Variants in CACNA2D1 observed in about 807,000 individuals in gnomAD.
CACNA2D1 encodes the protein voltage-dependent calcium channel subunit alpha-2/delta-1.
Under a neutral mutation model 171.5 loss-of-function variants are expected in CACNA2D1, and 53 were observed. That is an observed-to-expected ratio of 0.31 (90% CI 0.25 to 0.39). The LOEUF (loss-of-function observed/expected upper bound fraction) is 0.39, where lower values mean the gene tolerates loss of function less well. Among genes scored for constraint, CACNA2D1 ranks in the 10% least tolerant of loss-of-function variants. CACNA2D1 has a pLI of 1.00. For missense variants in CACNA2D1, 903 were observed against 1,299.8 expected (o/e 0.69, Z 4.69); for synonymous variants, 442 against 443.1 (o/e 1.00, Z 0.03).
At chr7:81,958,571 A>G (rs1221379682) in intron 38 of CACNA2D1, among the ~76,000 whole-genome samples, 1 of 151,874 alleles carries the variant, frequency 6.6e-6, no homozygotes, top group Non-Finnish European at 1.5e-5. Context: ...CCTACCTTGT[A>G]TATAATCAAT....
chr7:82,287,858 G>A (rs1234073178), intron 3 of CACNA2D1, among the ~76,000 whole-genome samples: 3 of 134,798 alleles, frequency 2.2e-5, no homozygotes, highest in Non-Finnish European at 1.6e-5. Flanking sequence ...GTTTTTTTTT[G>A]AGACAGAGTC....
At chr7:82,106,273 A>G (rs149732120) in intron 6 of CACNA2D1, among the ~76,000 whole-genome samples, 2,682 of 152,166 alleles carry the variant, frequency 0.018, 35 homozygotes, top group Middle Eastern at 0.051. Flanking sequence ...CTCATCTCAA[A>G]TTCCAGACCC....
intron 4 of CACNA2D1, among the ~76,000 whole-genome samples, chr7:82,163,701 T>C (rs1795168709): frequency 6.6e-6 from 1 of 151,976 alleles, no homozygotes; most frequent in South Asian, 2.1e-4. Context: ...TAGAGCACAT[T>C]GAATCCAGCT....
chr7:82,114,169 T>C (rs978026730), intron 6 of CACNA2D1, among the ~76,000 whole-genome samples: 13 of 152,332 alleles, frequency 8.5e-5, no homozygotes, highest in African/African-American at 2.6e-4. Context: ...CTAAGATATA[T>C]GTATGCCTAT....
chr7:82,080,150 CCTATATATGT>C, intron 7 of CACNA2D1, among the ~76,000 whole-genome samples: 1 of 149,454 alleles, frequency 6.7e-6, no homozygotes, highest in South Asian at 2.1e-4. Context: ...CACCTATATA[CCTATATATGT>C]ATATAGGTGT....
chr7:82,278,154 A>G (rs185736418), intron 3 of CACNA2D1, among the ~76,000 whole-genome samples: 2 of 152,310 alleles, frequency 1.3e-5, no homozygotes, highest in East Asian at 1.9e-4. Context: ...TATGATTCCC[A>G]TATAAAAATA....
intron 2 of CACNA2D1, among the ~76,000 whole-genome samples, chr7:82,341,737 A>C (rs1377834724): frequency 6.6e-6 from 1 of 152,104 alleles, no homozygotes; most frequent in African/African-American, 2.4e-5. Context: ...GATGCATGAC[A>C]CTGTATTAAT....
chr7:82,071,280 G>A (rs920357278), intron 7 of CACNA2D1, among the ~76,000 whole-genome samples: 2 of 152,226 alleles, frequency 1.3e-5, no homozygotes, highest in South Asian at 4.2e-4. Flanking sequence ...ACAGTGAGAT[G>A]AGCTAACCAA....
chr7:82,151,769 G>C (rs765170138), intron 4 of CACNA2D1, among the ~76,000 whole-genome samples: 1 of 151,960 alleles, frequency 6.6e-6, no homozygotes, highest in Non-Finnish European at 1.5e-5. Context: ...CTCATCTTTT[G>C]ATCATATTAA....
At chr7:81,985,967 T>C (rs1259055727) in intron 21 of CACNA2D1, among the ~76,000 whole-genome samples, 1 of 152,190 alleles carries the variant, frequency 6.6e-6, no homozygotes, top group African/African-American at 2.4e-5. Context: ...TATTTTGAAA[T>C]TGCCAATTAA....
At chr7:82,263,188 A>G (rs1807360471) in intron 3 of CACNA2D1, among the ~76,000 whole-genome samples, 1 of 144,636 alleles carries the variant, frequency 6.9e-6, no homozygotes, top group Non-Finnish European at 1.5e-5. Context: ...AGCTCACTGC[A>G]ACCTCTGCCT....
At chr7:82,255,833 C>T (rs1806233235) in intron 3 of CACNA2D1, among the ~76,000 whole-genome samples, 1 of 152,230 alleles carries the variant, frequency 6.6e-6, no homozygotes. Flanking sequence ...CAGCTTACTA[C>T]TTTCATGCCC....
chr7:82,050,959 A>G (rs757403984), intron 10 of CACNA2D1: 1 of 281,654 alleles, frequency 3.6e-6, no homozygotes, highest in Non-Finnish European at 6.9e-6. Context: ...CTACCAGTCC[A>G]TCTAAGAGAC....
intron 20 of CACNA2D1, 104 bp downstream of exon 20, chr7:81,994,764 T>C (rs1797873551): frequency 4.5e-6 from 3 of 669,468 alleles, no homozygotes; most frequent in African/African-American, 3.6e-5. Flanking sequence ...GATCTCCCTG[T>C]TTTATAAGTA....
At chr7:82,002,332 A>C (rs1195075663) in intron 18 of CACNA2D1, among the ~76,000 whole-genome samples, 2 of 152,184 alleles carry the variant, frequency 1.3e-5, no homozygotes, top group African/African-American at 4.8e-5. Context: ...ACAGAACACC[A>C]ATCTGTCCAA....
At chr7:82,100,673 C>T (rs1408674344) in intron 6 of CACNA2D1, among the ~76,000 whole-genome samples, 2 of 152,086 alleles carry the variant, frequency 1.3e-5, no homozygotes, top group Non-Finnish European at 2.9e-5. Context: ...GAAAGATATA[C>T]ATATATGAAG....
chr7:81,959,302 A>C lies in CACNA2D1; in HGVS notation c.3132T>G (p.Pro1044=). The change falls in exon 38 of 39, where the codon CCT becomes CCG. Residue 1044 remains proline (P), a synonymous_variant. Coordinates refer to ENST00000356860, the MANE Select transcript of CACNA2D1 (RefSeq NM_000722.4). ...MVKQPRYRKG[P]DVCFDNNVLE... ...AGACATTGTTATCAAAGCAGACATC[A>C]GGCCCTTTTCGGTATCTGGGTTGCT... 6.2e-7 allele frequency: 1 copy of C among 1,610,586 alleles called. No homozygotes were observed.
At chr7:82,292,325 A>T (rs932970261) in intron 3 of CACNA2D1, among the ~76,000 whole-genome samples, 2 of 152,072 alleles carry the variant, frequency 1.3e-5, no homozygotes, top group Non-Finnish European at 1.5e-5. Flanking sequence ...GATGGGATTA[A>T]ACTCCTTGCT....
chr7:82,418,882 G>A (rs1050311816), intron 1 of CACNA2D1, among the ~76,000 whole-genome samples: 2 of 152,132 alleles, frequency 1.3e-5, no homozygotes, highest in Admixed American at 6.5e-5. Flanking sequence ...ACTTTGGGAG[G>A]CCGAGGCAGG....
Sources: allele counts gnomAD v4.1 joint callset (sites outside exome capture counted in the v4.1 genomes callset), GRCh38; gene constraint gnomAD v4.1.1; transcripts MANE v1.5; gene names NCBI Gene and HGNC (gene_info 2026-07-23, HGNC 2026-07-21).